The following BATF2 variants were observed in gnomAD, a reference collection of about 807,000 sequenced individuals.
The protein encoded by BATF2 is basic leucine zipper ATF-like transcription factor 2.
A neutral mutation model predicts 7.3 loss-of-function variants in BATF2; 4 were observed. The ratio of observed to expected loss-of-function variants is 0.55; its 90% CI spans 0.27 to 1.26. The LOEUF is 1.26. BATF2 is among the 50% of genes most tolerant of loss of function. The pLI is 0.11. For missense variants in BATF2, 295 were observed against 340.5 expected, an observed-to-expected ratio of 0.87 and a Z score of 1.05; for synonymous variants, 152 against 153.9, an observed-to-expected ratio of 0.99 and a Z score of 0.09.
chr11:64,995,233 C>A (rs535791002), intron 1 of BATF2, among the ~76,000 whole-genome samples: 1 of 152,176 alleles, frequency 6.6e-6, no homozygotes, highest in African/African-American at 2.4e-5. Flanking sequence ...AAAGCCCATG[C>A]GGCAGGCAGC....
intron 1 of BATF2, among the ~76,000 whole-genome samples, chr11:64,995,532 A>T (rs1305356540): frequency 6.6e-6 from 1 of 152,230 alleles, no homozygotes; most frequent in African/African-American, 2.4e-5. Context: ...GGATGAATGA[A>T]TGAAGGGTTT....
intron 1 of BATF2, 36 bp from the exon 2 acceptor site, chr11:64,994,585 GC>G: frequency 6.4e-7 from 1 of 1,555,240 alleles, no homozygotes; most frequent in Non-Finnish European, 8.7e-7. Flanking sequence ...AGGGGGCCCA[GC>G]CAGGCCTTGT....
rs1290472100 is a variant in BATF2, at chr11:64,989,111, C to G, written c.*18G>C. 1 of 1,613,688 alleles carries G rather than the reference C, an allele frequency of 6.2e-7. No homozygotes were observed. Among genetic ancestry groups the G allele is most frequent in the East Asian group, 2.2e-5 (1 of 44,870 alleles). On this transcript the variant is annotated 3_prime_UTR_variant, in exon 3 of 3. Transcript: ENST00000301887. The surrounding 1 kb of genome is among the most constrained non-coding windows in gnomAD (Gnocchi z 4.3). ...TCCTGAGCCCAAAGAAGGGGCCAAC[C>G]CAGCTCCGAAGACCAGGTTAGAAGT... is the stretch of plus-strand genomic sequence containing the variant.
At chr11:64,990,002 C>T (rs888274600) in intron 2 of BATF2, 190 bp from the exon 3 acceptor site, 1 of 1,528,710 alleles carries the variant, frequency 6.5e-7, no homozygotes, top group African/African-American at 1.4e-5. Context: ...CCCTGTCCCA[C>T]CCTCTGAAGG....
chr11:64,991,149 A>G (rs1227590975), intron 2 of BATF2, among the ~76,000 whole-genome samples: 1 of 131,234 alleles, frequency 7.6e-6, no homozygotes, highest in East Asian at 2.5e-4. Context: ...ATGTGGAATG[A>G]TGAATTTTTT....
At chr11:64,990,474 T>C (rs1252056889) in intron 2 of BATF2, 4 of 1,244,486 alleles carry the variant, frequency 3.2e-6, no homozygotes, top group Admixed American at 6.9e-5. Context: ...CTACGAGCAC[T>C]GTGGGAGGAT....
Position 64,989,085 on chromosome 11 carries a change from T to C in BATF2, c.*44A>G. 2 of 1,602,198 alleles carry C rather than the reference T, an allele frequency of 1.2e-6. No homozygotes were observed. Among genetic ancestry groups the C allele is most frequent in the East Asian group, 4.5e-5 (2 of 44,784 alleles). ...GGAGAGGCCCGTGTGCTAAGGCTGC[T>C]TCCTGAGCCCAAAGAAGGGGCCAAC... On this transcript the variant is annotated 3_prime_UTR_variant, in exon 3 of 3. Coordinates refer to ENST00000301887, the MANE Select transcript of BATF2 (RefSeq NM_138456.4). The surrounding 1 kb of genome is among the most constrained non-coding windows in gnomAD (Gnocchi z 4.3).
In BATF2 at chr11:64,988,932, G is replaced by A. The variant is rs1304907971; in HGVS notation, c.*197C>T. 3 of 603,276 alleles carry A rather than the reference G, an allele frequency of 5.0e-6. No individual in the cohort carries two copies. Among genetic ancestry groups the A allele is most frequent in the Non-Finnish European group, 9.0e-6 (3 of 335,102 alleles). The allele number at this position is 603,276 out of a possible 1,614,324, so 37.4% of individuals were successfully genotyped here. A position where few individuals can be genotyped will look rare whatever the true frequency, so the allele number is the denominator to read the frequency against. On this transcript the variant is annotated 3_prime_UTR_variant, in exon 3 of 3. Coordinates refer to ENST00000301887, the MANE Select transcript of BATF2 (RefSeq NM_138456.4). ...TCTCGATTTCTCAGGTCAACTGTGA[G>A]GTTGAAATAAGATATTGGTGGTGAC...
chr11:64,990,392 G>C (rs1228404907), intron 2 of BATF2: 1 of 1,409,534 alleles, frequency 7.1e-7, no homozygotes, highest in Admixed American at 2.8e-5. Flanking sequence ...GGGCCTTCCC[G>C]TGGCAACCTT....
chr11:64,989,780 G>A lies in BATF2; in HGVS notation c.174C>T (p.Ala58=), dbSNP rs1946059402. Residue 58 remains alanine (A), a synonymous_variant, in exon 3 of 3, where the codon GCC becomes GCT. Coordinates refer to ENST00000301887, the MANE Select transcript of BATF2 (RefSeq NM_138456.4). The surrounding 1 kb of genome is among the most constrained non-coding windows in gnomAD (Gnocchi z 4.3). ...QHESLEKDNL[A]LRKEIQSLQA... ...GCAGGGACTGGATCTCCTTCCGCAG[G>A]GCGAGGTTGTCTTTTTCCAGAGACT... 2 of 1,613,824 alleles carry A rather than the reference G, an allele frequency of 1.2e-6. No individual in the cohort carries two copies. Among genetic ancestry groups the A allele is most frequent in the African/African-American group, 1.3e-5 (1 of 74,938 alleles).
chr11:64,992,858 CAA>C (rs367584256), intron 2 of BATF2, among the ~76,000 whole-genome samples: 3 of 127,354 alleles, frequency 2.4e-5, no homozygotes, highest in Non-Finnish European at 5.0e-5. Context: ...AAGACCCTCT[CAA>C]AAAAAAAAAA....
chr11:64,993,002 A>G (rs1416526802), intron 2 of BATF2, among the ~76,000 whole-genome samples: 1 of 152,100 alleles, frequency 6.6e-6, no homozygotes, highest in East Asian at 1.9e-4. Context: ...ACTATTAAAA[A>G]ATAAAGAATA....
Position 64,989,770 on chromosome 11 carries a change from C to T in BATF2, c.184G>A (p.Glu62Lys), listed in dbSNP as rs1219040350. The T allele has an allele frequency of 6.2e-7, 1 of 1,613,978 alleles. No individual in the cohort carries two copies. The highest frequency in any genetic ancestry group is 8.5e-7 in the Non-Finnish European group (1 of 1,180,012). Residue 62 changes from glutamate to lysine, a missense_variant, in exon 3 of 3, where the codon GAG (glutamate) becomes AAG (lysine). By Grantham distance (56) the Glu-to-Lys change is moderately conservative. Coordinates refer to ENST00000301887, the MANE Select transcript of BATF2 (RefSeq NM_138456.4). The surrounding 1 kb of genome is among the most constrained non-coding windows in gnomAD (Gnocchi z 4.3). ...LEKDNLALRK[E>K]IQSLQAELAW... ...AGCTCGGCCTGCAGGGACTGGATCT[C>T]CTTCCGCAGGGCGAGGTTGTCTTTT... is the stretch of plus-strand genomic sequence containing the variant.
intron 2 of BATF2, among the ~76,000 whole-genome samples, chr11:64,993,282 C>G: frequency 6.6e-6 from 1 of 152,170 alleles, no homozygotes; most frequent in East Asian, 1.9e-4. Context: ...ATCACTTGAA[C>G]CCAGGAGGTA....
intron 2 of BATF2, among the ~76,000 whole-genome samples, chr11:64,991,136 T>C (rs2136876910): frequency 6.8e-6 from 1 of 146,776 alleles, no homozygotes; most frequent in Admixed American, 7.0e-5. Context: ...CGCTGGTTTC[T>C]ACATGTGGAA....
At chr11:64,994,427 G>T in intron 2 of BATF2, 21 bp downstream of exon 2, 1 of 1,557,978 alleles carries the variant, frequency 6.4e-7, no homozygotes, top group South Asian at 1.2e-5. Flanking sequence ...GACAAGGAAA[G>T]GGGTTAGGGG....
rs757662221 is a variant in BATF2, at chr11:64,994,491, C to T, written c.98G>A (p.Arg33Gln). Residue 33 changes from arginine (R) to glutamine (Q), a missense_variant, in exon 2 of 3, where the codon CGA becomes CAA. By Grantham distance (43) the Arg-to-Gln change is conservative. Coordinates refer to ENST00000301887, the MANE Select transcript of BATF2 (RefSeq NM_138456.4). ...CTTGTCTGTGTGCTTCTGCCGGCTT[C>T]GCTGGGCGGCTGCCCGGTTCTTCTG... ...KKQKNRAAAQ[R>Q]SRQKHTDKAD... is the part of the protein sequence containing the mutation. The T allele has an allele frequency of 6.9e-6, 11 of 1,602,766 alleles. No homozygotes were observed. Among genetic ancestry groups the T allele is most frequent in the South Asian group, 3.4e-5 (3 of 89,038 alleles).
In BATF2 at chr11:64,990,363, C is replaced by T. The variant is rs1022429302; in HGVS notation, c.142-551G>A. ...GCCTGGACACCCTTCCGCCGCCCTT[C>T]TCTGTGCAAATCCCAACAGGGCCTT... On this transcript the variant is annotated intron_variant, in intron 2 of 2. Transcript: ENST00000301887. The T allele has an allele frequency of 3.5e-6, 5 of 1,444,300 alleles. No homozygotes were observed. In the Admixed American group the frequency reaches 1.0e-4, roughly 29 times the overall value. The allele number at this position is 1,444,300 out of a possible 1,614,324, so 89.5% of individuals were successfully genotyped here.
intron 1 of BATF2, among the ~76,000 whole-genome samples, chr11:64,996,666 GT>G (rs1946112369): frequency 6.6e-6 from 1 of 152,264 alleles, no homozygotes; most frequent in Non-Finnish European, 1.5e-5. Flanking sequence ...GATCTGCAAT[GT>G]GAGAGCTGGA....
Sources: gnomAD v4.1 joint callset for allele counts (sites outside exome capture counted in the v4.1 genomes callset) on GRCh38, gnomAD v4.1.1 for gene constraint, Gnocchi (gnomAD v3.1) non-coding constraint, MANE v1.5 for transcripts, NCBI Gene and HGNC (gene_info 2026-07-23, HGNC 2026-07-21) for gene names.